Variants in TLCD3B observed in about 807,000 individuals in gnomAD.
TLCD3B encodes TLC domain containing 3B.
TLCD3B carries 9 observed loss-of-function variants against 23.0 expected under a neutral mutation model. The ratio of observed to expected loss-of-function variants is 0.39; its 90% CI spans 0.24 to 0.68. The LOEUF is 0.68. TLCD3B is among the 30% of genes least tolerant of loss of function. The probability of loss-of-function intolerance (pLI) is 0.44; values close to 1 mark genes in which losing one functional copy is unlikely to be tolerated. For synonymous variants in TLCD3B, 161 were observed against 161.0 expected (o/e 1.00, Z 0.00); for missense variants, 307 against 371.8 (o/e 0.83, Z 1.43).
intron 2 of TLCD3B, chr16:30,041,165 G>C (rs992870309): frequency 6.6e-6 from 1 of 152,190 alleles, no homozygotes; most frequent in Non-Finnish European, 1.5e-5. Flanking sequence ...GTCTGAGAGA[G>C]AAAATATGAG....
intron 2 of TLCD3B, among the ~76,000 whole-genome samples, chr16:30,028,308 G>A (rs192241914): frequency 6.6e-6 from 1 of 152,238 alleles, no homozygotes; most frequent in East Asian, 1.9e-4. Context: ...CTGCTGCCCT[G>A]GATTAACCCG....
intron 3 of TLCD3B, chr16:30,036,604 A>G (rs975690087): frequency 2.9e-6 from 1 of 344,502 alleles, no homozygotes; most frequent in South Asian, 2.4e-5. Context: ...TGGAGTGGCT[A>G]GAAGGTGCCA....
upstream of TLCD3B, among the ~76,000 whole-genome samples, chr16:30,034,584 C>T (rs28567715): frequency 5.9e-5 from 9 of 151,410 alleles, no homozygotes; most frequent in Admixed American, 1.3e-4. Context: ...GTCTCAACAA[C>T]GACAAAGAAT....
At chr16:30,026,311 G>C (rs148278000) in intron 3 of TLCD3B, among the ~76,000 whole-genome samples, 2 of 152,148 alleles carry the variant, frequency 1.3e-5, no homozygotes, top group East Asian at 3.8e-4. Context: ...TCACGGTCCT[G>C]CAGAAAGACT....
chr16:30,036,358 A>G, intron 3 of TLCD3B: 1 of 1,287,922 alleles, frequency 7.8e-7, no homozygotes, highest in African/African-American at 1.5e-5. Flanking sequence ...CTGAAACTAC[A>G]TATATTTACA....
At chr16:30,039,112 T>C (rs1272703396) in intron 3 of TLCD3B, among the ~76,000 whole-genome samples, 2 of 136,916 alleles carry the variant, frequency 1.5e-5, no homozygotes, top group East Asian at 2.1e-4. Flanking sequence ...TCTTTTTTTT[T>C]TTTTTTTTTT....
At position 30,024,892 on chromosome 16, in the gene TLCD3B, C is replaced by T; in HGVS notation, c.*291G>A. 2.7e-6 allele frequency: 1 copy of T among 371,226 alleles called. No individual in the cohort carries two copies. Among genetic ancestry groups the T allele is most frequent in the Non-Finnish European group, 4.8e-6 (1 of 208,546 alleles). The allele number at this position is 371,226 out of a possible 1,614,324, so 23.0% of individuals were successfully genotyped here. ...TTCTGACTCCTGGTCCCCTTGAAACCCTGTTGGTGTCCCTCCCCACAAGCC... is the reference window on the plus strand; with the variant it reads ...TTCTGACTCCTGGTCCCCTTGAAACTCTGTTGGTGTCCCTCCCCACAAGCC... On this transcript the variant is annotated 3_prime_UTR_variant, in exon 5 of 5. Transcript: ENST00000380495.
chr16:30,035,324 A>T (rs1270131584), upstream of TLCD3B: 1 of 1,288,688 alleles, frequency 7.8e-7, no homozygotes, highest in Non-Finnish European at 1.0e-6. Context: ...GGCCCCAGGA[A>T]GGACACCCTC....
chr16:30,045,264 T>C (rs1298992932), intron 2 of TLCD3B, among the ~76,000 whole-genome samples: 4 of 150,428 alleles, frequency 2.7e-5, no homozygotes, highest in Non-Finnish European at 5.9e-5. Flanking sequence ...GTGGTGTGTG[T>C]GTGATGTGTG....
intron 3 of TLCD3B, among the ~76,000 whole-genome samples, chr16:30,037,556 A>AG (rs1206376044): frequency 4.9e-4 from 74 of 151,756 alleles, no homozygotes; most frequent in Middle Eastern, 3.4e-3. Context: ...AAAAAAAAAA[A>AG]AAAGAAGAAG....
chr16:30,027,544 C>T (rs2071201923), intron 2 of TLCD3B: 2 of 455,990 alleles, frequency 4.4e-6, no homozygotes, highest in Non-Finnish European at 8.8e-6. Flanking sequence ...GTCTTGTCAG[C>T]GCTGTTCGCC....
intron 2 of TLCD3B, among the ~76,000 whole-genome samples, chr16:30,044,723 T>C (rs1239323335): frequency 1.3e-5 from 2 of 152,140 alleles, no homozygotes; most frequent in Admixed American, 6.6e-5. Flanking sequence ...TTTATAACAT[T>C]CTAGCTAGAT....
rs758665971 is a variant in TLCD3B at position 30,025,567 on chromosome 16, A to C, written c.541-100T>G. ...CGACCCTAGCAGGCAGCTCCTCCCA[A>C]ACCAGACACTTTGCCAGGACACAAG... On this transcript the variant is annotated intron_variant, in intron 4 of 4. Transcript: ENST00000380495. The surrounding 1 kb of genome is among the most constrained non-coding windows in gnomAD (Gnocchi z 4.1). The C allele has an allele frequency of 3.9e-6, 6 of 1,538,948 alleles. No individual in the cohort carries two copies. The Admixed American group carries it at 1.0e-4, about 26-fold the overall frequency.
At chr16:30,041,271 T>C (rs1011095422) in intron 2 of TLCD3B, 3 of 152,032 alleles carry the variant, frequency 2.0e-5, no homozygotes, top group African/African-American at 7.2e-5. Flanking sequence ...TATTTATTTT[T>C]TGTTTGTTTG....
chr16:30,035,818 G>A (rs1369987116), upstream of TLCD3B, among the ~76,000 whole-genome samples: 1 of 146,914 alleles, frequency 6.8e-6, no homozygotes, highest in Admixed American at 6.9e-5. Context: ...GCTGGAGTGT[G>A]GTGGCGTGAT....
chr16:30,025,877 G>T lies in TLCD3B; in HGVS notation c.445-56C>A. On this transcript the variant is annotated intron_variant, in intron 3 of 4. Coordinates refer to ENST00000380495, the MANE Select transcript of TLCD3B (RefSeq NM_031478.6). This position sits in a 1 kb window ranked among gnomAD's most constrained non-coding sequence, Gnocchi z 4.1. ...GGGGCTCTCCCTGGGTTCTTGGGCA[G>T]CCCCCGCCCTTCCTCTTTCCCCTCT... The T allele has an allele frequency of 7.3e-7, 1 of 1,379,146 alleles. No individual in the cohort carries two copies. The highest frequency in any genetic ancestry group is 1.0e-6 in the Non-Finnish European group (1 of 974,048). 85.4% of individuals were successfully genotyped at this position (1,379,146 alleles called of 1,614,324 possible).
chr16:30,028,264 C>T (rs944402169), intron 2 of TLCD3B, among the ~76,000 whole-genome samples: 7 of 152,188 alleles, frequency 4.6e-5, no homozygotes, highest in African/African-American at 1.7e-4. Context: ...CATCCCCACC[C>T]TCTTGGCAAT....
chr16:30,041,221 A>G (rs1159266948), intron 2 of TLCD3B: 5 of 152,128 alleles, frequency 3.3e-5, no homozygotes, highest in Non-Finnish European at 5.9e-5. Flanking sequence ...TTTTTTTAAT[A>G]GTGACCCACA....
Position 30,026,594 on chromosome 16 carries a change from C to T in TLCD3B, c.444+15G>A. ...GGCCACCCGCACCCCGCCCGCCCAG[C>T]TCCCCGGGACTCACCACTGAGAGTG... On this transcript the variant is annotated intron_variant, in intron 3 of 4. Coordinates refer to ENST00000380495, the MANE Select transcript of TLCD3B (RefSeq NM_031478.6). 6.2e-7 allele frequency: 1 copy of T among 1,606,310 alleles called. No homozygotes were observed. Among genetic ancestry groups the T allele is most frequent in the East Asian group, 2.2e-5 (1 of 44,734 alleles).
Sources: gnomAD v4.1 joint callset for allele counts (sites outside exome capture counted in the v4.1 genomes callset) on GRCh38, gnomAD v4.1.1 for gene constraint, Gnocchi (gnomAD v3.1) non-coding constraint, MANE v1.5 for transcripts, NCBI Gene and HGNC (gene_info 2026-07-23, HGNC 2026-07-21) for gene names.